The following PTPRD variants were observed in gnomAD, a reference collection of about 807,000 sequenced individuals.
PTPRD encodes protein tyrosine phosphatase receptor type D, also known as receptor-type tyrosine-protein phosphatase delta.
In PTPRD, 34 loss-of-function variants were observed where a neutral mutation model predicts 214.5. The ratio of observed to expected loss-of-function variants is 0.16; its 90% CI spans 0.12 to 0.21. The LOEUF is 0.21. Among genes scored for constraint, PTPRD ranks in the 10% least tolerant of loss-of-function variants. PTPRD has a pLI of 1.00. For missense variants in PTPRD, 2,545 were observed against 2,398.7 expected (o/e 1.06, Z -1.27); for synonymous variants, 1,128 against 845.7 (o/e 1.33, Z -5.79).
intron 8 of PTPRD, among the ~76,000 whole-genome samples, chr9:9,428,378 T>C (rs1180163107): frequency 1.3e-5 from 2 of 152,140 alleles, no homozygotes; most frequent in East Asian, 3.9e-4. Flanking sequence ...TAAATATATA[T>C]GCAGGAGCAC....
At chr9:10,303,498 A>C (rs190007027) in intron 3 of PTPRD, among the ~76,000 whole-genome samples, 2 of 152,188 alleles carry the variant, frequency 1.3e-5, no homozygotes, top group Non-Finnish European at 2.9e-5. Context: ...AAGATCAACA[A>C]AATAGATAGA....
chr9:9,562,990 A>T (rs1456915290), intron 8 of PTPRD, among the ~76,000 whole-genome samples: 1 of 152,194 alleles, frequency 6.6e-6, no homozygotes, highest in East Asian at 1.9e-4. Context: ...CTGCTCACCA[A>T]ATATTTATTG....
At chr9:9,449,486 T>G (rs541069146) in intron 8 of PTPRD, among the ~76,000 whole-genome samples, 1 of 151,960 alleles carries the variant, frequency 6.6e-6, no homozygotes, top group East Asian at 1.9e-4. Flanking sequence ...CAGGTCATAA[T>G]GGTCTGGAAA....
At chr9:8,438,401 C>T (rs1434468351) in intron 34 of PTPRD, among the ~76,000 whole-genome samples, 1 of 152,088 alleles carries the variant, frequency 6.6e-6, no homozygotes, top group East Asian at 1.9e-4. Context: ...GAATTGCTTG[C>T]AAGTAGAAAC....
At chr9:8,357,526 A>C (rs2077275092) in intron 39 of PTPRD, among the ~76,000 whole-genome samples, 1 of 152,222 alleles carries the variant, frequency 6.6e-6, no homozygotes, top group Non-Finnish European at 1.5e-5. Context: ...ACTGCATTTG[A>C]GACAAGCAAT....
intron 4 of PTPRD, among the ~76,000 whole-genome samples, chr9:9,952,476 T>C (rs1371116591): frequency 1.3e-5 from 2 of 151,880 alleles, no homozygotes; most frequent in East Asian, 1.9e-4. Flanking sequence ...TGGTGGAAAA[T>C]AGAATGATGG....
chr9:9,616,035 T>G (rs2094837364), intron 7 of PTPRD, among the ~76,000 whole-genome samples: 1 of 152,192 alleles, frequency 6.6e-6, no homozygotes, highest in Non-Finnish European at 1.5e-5. Flanking sequence ...AAAACGTTTC[T>G]AGAATGCATT....
At chr9:9,638,541 T>C (rs1402676952) in intron 7 of PTPRD, among the ~76,000 whole-genome samples, 6 of 152,214 alleles carry the variant, frequency 3.9e-5, no homozygotes, top group Non-Finnish European at 7.3e-5. Context: ...GGTTTTCCTA[T>C]ACCCCTTCTT....
chr9:8,573,575 C>G (rs527689704), intron 14 of PTPRD, among the ~76,000 whole-genome samples: 1 of 151,788 alleles, frequency 6.6e-6, no homozygotes, highest in South Asian at 2.1e-4. Flanking sequence ...TCATTTTTTT[C>G]TCAATTAAAA....
intron 9 of PTPRD, among the ~76,000 whole-genome samples, chr9:9,385,366 T>C (rs186489641): frequency 1.3e-5 from 2 of 152,154 alleles, no homozygotes; most frequent in Admixed American, 1.3e-4. Flanking sequence ...GAGAGTAAAA[T>C]AAACAAGAGG....
At chr9:9,515,653 T>C (rs1481059569) in intron 8 of PTPRD, among the ~76,000 whole-genome samples, 1 of 151,916 alleles carries the variant, frequency 6.6e-6, no homozygotes, top group Non-Finnish European at 1.5e-5. Context: ...GTAAGGTAAT[T>C]ATAAATTTTG....
intron 8 of PTPRD, among the ~76,000 whole-genome samples, chr9:9,539,250 GT>G (rs1297992623): frequency 3.3e-5 from 5 of 151,844 alleles, no homozygotes; most frequent in Non-Finnish European, 2.9e-5. Context: ...TCAGTGGCAG[GT>G]ACCTAGGCCC....
chr9:8,389,753 C>T (rs7862807), intron 36 of PTPRD, among the ~76,000 whole-genome samples: 2,962 of 152,168 alleles, frequency 0.019, 103 homozygotes, highest in African/African-American at 0.068. Flanking sequence ...CATTCCTCAC[C>T]CATGTGCTTC....
chr9:10,143,401 G>C (rs2154269316), intron 3 of PTPRD, among the ~76,000 whole-genome samples: 1 of 152,132 alleles, frequency 6.6e-6, no homozygotes, highest in African/African-American at 2.4e-5. Flanking sequence ...TAAACAGTCA[G>C]AAATATAACA....
chr9:8,692,125 A>G (rs1417417595), intron 12 of PTPRD, among the ~76,000 whole-genome samples: 1 of 152,178 alleles, frequency 6.6e-6, no homozygotes, highest in East Asian at 1.9e-4. Context: ...TAATTTATAA[A>G]TAAAAGATTT....
intron 37 of PTPRD, among the ~76,000 whole-genome samples, chr9:8,380,396 A>G (rs560538471): frequency 1.2e-4 from 18 of 152,266 alleles, no homozygotes; most frequent in African/African-American, 4.3e-4. Context: ...GAGGTGGAAA[A>G]GAAGAACAGC....
At chr9:9,519,856 A>C (rs1439344229) in intron 8 of PTPRD, among the ~76,000 whole-genome samples, 1 of 152,086 alleles carries the variant, frequency 6.6e-6, no homozygotes, top group Non-Finnish European at 1.5e-5. Context: ...AGTTGATCCC[A>C]TAATTTATGA....
At chr9:8,699,598 G>A (rs2098024355) in intron 12 of PTPRD, among the ~76,000 whole-genome samples, 1 of 152,036 alleles carries the variant, frequency 6.6e-6, no homozygotes, top group Non-Finnish European at 1.5e-5. Context: ...TCTGATTTGT[G>A]ATTCTACTTG....
At chr9:9,992,253 C>T (rs978363491) in intron 4 of PTPRD, among the ~76,000 whole-genome samples, 2 of 152,028 alleles carry the variant, frequency 1.3e-5, no homozygotes, top group African/African-American at 2.4e-5. Context: ...TAAATTATAT[C>T]TCAATAAAGC....
Sources: gnomAD v4.1 joint callset for allele counts (sites outside exome capture counted in the v4.1 genomes callset) on GRCh38, gnomAD v4.1.1 for gene constraint, MANE v1.5 for transcripts, NCBI Gene and HGNC (gene_info 2026-07-23, HGNC 2026-07-21) for gene names.